Variants in NRXN3 observed in about 807,000 individuals in gnomAD.
NRXN3 encodes the protein neurexin III.
Under a neutral mutation model 137.6 loss-of-function variants are expected in NRXN3, and 32 were observed. The ratio of observed to expected loss-of-function variants is 0.23; its 90% CI spans 0.18 to 0.31. The LOEUF is 0.31. Ranked by LOEUF, NRXN3 falls within the 10% of genes least tolerant of loss-of-function variation. The pLI is 1.00. For missense variants in NRXN3, 1,574 were observed against 2,062.5 expected (o/e 0.76, Z 4.59); for synonymous variants, 798 against 784.5 (o/e 1.02, Z -0.29).
At chr14:78,482,387 T>C (rs1177587630) in intron 4 of NRXN3, among the ~76,000 whole-genome samples, 1 of 152,214 alleles carries the variant, frequency 6.6e-6, no homozygotes, top group Non-Finnish European at 1.5e-5. Context: ...TGTCTCATAA[T>C]AGAAGCTTGA....
At chr14:79,591,167 A>C (rs184614243) in intron 16 of NRXN3, among the ~76,000 whole-genome samples, 2 of 152,372 alleles carry the variant, frequency 1.3e-5, no homozygotes, top group African/African-American at 4.8e-5. Flanking sequence ...CAACATTTAG[A>C]TGGAAAGTAT....
At chr14:78,665,455 G>A (rs1018640195) in intron 6 of NRXN3, among the ~76,000 whole-genome samples, 1 of 152,094 alleles carries the variant, frequency 6.6e-6, no homozygotes, top group African/African-American at 2.4e-5. Context: ...AACAGCATAA[G>A]GGTAACCACC....
chr14:78,657,711 C>T (rs146314383), intron 6 of NRXN3, among the ~76,000 whole-genome samples: 58 of 152,252 alleles, frequency 3.8e-4, no homozygotes, highest in Non-Finnish European at 7.6e-4. Flanking sequence ...TTTATAGAAC[C>T]CTGATAGGCG....
At chr14:78,603,725 C>G (rs1304135306) in intron 4 of NRXN3, among the ~76,000 whole-genome samples, 1 of 152,136 alleles carries the variant, frequency 6.6e-6, no homozygotes, top group African/African-American at 2.4e-5. Context: ...GACAAGACCT[C>G]TCCTTGCCTG....
chr14:79,860,580 G>A (rs535144487), intron 20 of NRXN3, among the ~76,000 whole-genome samples: 4 of 152,244 alleles, frequency 2.6e-5, no homozygotes, highest in Non-Finnish European at 1.5e-5. Flanking sequence ...ATGGTGAATC[G>A]GTCATTCTCA....
intron 4 of NRXN3, among the ~76,000 whole-genome samples, chr14:78,367,190 C>T (rs147471238): frequency 3.7e-4 from 57 of 152,186 alleles, no homozygotes; most frequent in Non-Finnish European, 6.9e-4. Flanking sequence ...ATTGGTGGAA[C>T]CAGGTGCACT....
At chr14:79,039,951 G>T (rs1342153729) in intron 15 of NRXN3, among the ~76,000 whole-genome samples, 2 of 152,220 alleles carry the variant, frequency 1.3e-5, no homozygotes, top group South Asian at 4.1e-4. Context: ...TGATCTTCCT[G>T]CCTCAGCCTC....
intron 6 of NRXN3, among the ~76,000 whole-genome samples, chr14:78,701,673 C>T (rs1028275657): frequency 6.6e-5 from 10 of 152,162 alleles, no homozygotes; most frequent in African/African-American, 2.4e-4. Flanking sequence ...TTCAGATACG[C>T]TTTGTTTGAC....
chr14:79,642,945 G>A (rs1019728263), intron 16 of NRXN3, among the ~76,000 whole-genome samples: 2 of 135,876 alleles, frequency 1.5e-5, no homozygotes, highest in East Asian at 2.0e-4. Context: ...GGTATTATTC[G>A]TCATTTCATG....
At chr14:79,405,121 G>T (rs1192845406) in intron 15 of NRXN3, among the ~76,000 whole-genome samples, 1 of 152,116 alleles carries the variant, frequency 6.6e-6, no homozygotes, top group Non-Finnish European at 1.5e-5. Flanking sequence ...CTAGCAACAG[G>T]CCAGTGAAAC....
At chr14:78,276,278 G>A (rs780195632) in intron 2 of NRXN3, among the ~76,000 whole-genome samples, 3 of 152,096 alleles carry the variant, frequency 2.0e-5, no homozygotes, top group African/African-American at 4.8e-5. Context: ...GCTTCTGTTC[G>A]CCCCCTCACT....
intron 15 of NRXN3, among the ~76,000 whole-genome samples, chr14:79,032,548 C>G (rs1461676897): frequency 6.6e-6 from 1 of 152,138 alleles, no homozygotes; most frequent in African/African-American, 2.4e-5. Context: ...TGACATCTGT[C>G]AATTCACTTG....
chr14:78,730,596 T>C (rs939976107), intron 8 of NRXN3, among the ~76,000 whole-genome samples: 1 of 152,186 alleles, frequency 6.6e-6, no homozygotes, highest in East Asian at 1.9e-4. Context: ...AACTGCAAGG[T>C]GGCTGGTGCC....
intron 4 of NRXN3, among the ~76,000 whole-genome samples, chr14:78,377,671 T>G (rs1430564226): frequency 6.6e-6 from 1 of 152,218 alleles, no homozygotes; most frequent in Non-Finnish European, 1.5e-5. Flanking sequence ...TGCTGAGGCC[T>G]CTCTCTTTGG....
chr14:78,535,733 G>T (rs2096529544), intron 4 of NRXN3, among the ~76,000 whole-genome samples: 1 of 152,184 alleles, frequency 6.6e-6, no homozygotes, highest in Non-Finnish European at 1.5e-5. Context: ...GTTGGGTAAA[G>T]CAACTTGAAC....
At chr14:78,248,292 A>ACCAC (rs2067993284) in intron 2 of NRXN3, among the ~76,000 whole-genome samples, 4 of 6,686 alleles carry the variant, frequency 6.0e-4, no homozygotes, top group African/African-American at 1.1e-3. Context: ...GTGACTAGCC[A>ACCAC]CCGCCCCCCG....
intron 15 of NRXN3, among the ~76,000 whole-genome samples, chr14:79,446,494 G>T (rs1316384914): frequency 2.6e-5 from 4 of 151,372 alleles, no homozygotes; most frequent in Non-Finnish European, 5.9e-5. Flanking sequence ...CATTATTTTT[G>T]TTGCTCTCCA....
At chr14:78,993,945 G>A (rs10143938) in intron 15 of NRXN3, among the ~76,000 whole-genome samples, 7,139 of 147,632 alleles carry the variant, frequency 0.048, 619 homozygotes, top group African/African-American at 0.17. Flanking sequence ...CGCCTCTTGG[G>A]TTCAAGTGAT....
At chr14:78,382,946 C>G (rs1339606139) in intron 4 of NRXN3, among the ~76,000 whole-genome samples, 2 of 152,116 alleles carry the variant, frequency 1.3e-5, no homozygotes, top group African/African-American at 2.4e-5. Flanking sequence ...CAATCTCCCT[C>G]TGCTTATTAT....
Sources: allele counts gnomAD v4.1 joint callset (sites outside exome capture counted in the v4.1 genomes callset), GRCh38; gene constraint gnomAD v4.1.1; transcripts MANE v1.5; gene names NCBI Gene and HGNC (gene_info 2026-07-23, HGNC 2026-07-21).